Variants in SOX6 observed in about 807,000 individuals in gnomAD.
The protein encoded by SOX6 is SRY-box transcription factor 6, also known as transcription factor SOX-6.
SOX6 carries 11 observed loss-of-function variants against 97.8 expected under a neutral mutation model. That is an observed-to-expected ratio of 0.11 (90% confidence interval 0.07 to 0.19). The LOEUF (loss-of-function observed/expected upper bound fraction) is 0.19. Ranked by LOEUF, SOX6 falls within the 10% of genes least tolerant of loss-of-function variation. The pLI, the probability that SOX6 is intolerant of heterozygous loss-of-function variation, is 1.00. For synonymous variants in SOX6, 360 were observed against 371.4 expected (o/e 0.97, Z 0.35); for missense variants, 810 against 1,039.5 (o/e 0.78, Z 3.04).
intron 12 of SOX6, among the ~76,000 whole-genome samples, chr11:16,032,818 C>A (rs1316774697): frequency 6.6e-6 from 1 of 152,144 alleles, no homozygotes; most frequent in Non-Finnish European, 1.5e-5. Flanking sequence ...CCCAACCATA[C>A]TCATGCCAGG....
chr11:15,993,503 A>G (rs1252814557), intron 13 of SOX6, among the ~76,000 whole-genome samples: 4 of 152,172 alleles, frequency 2.6e-5, no homozygotes, highest in African/African-American at 9.7e-5. Flanking sequence ...ACGGCTTTCC[A>G]GCTGACCTAA....
At chr11:16,316,973 T>C (rs904148535) in intron 3 of SOX6, 1 of 152,052 alleles carries the variant, frequency 6.6e-6, no homozygotes, top group Non-Finnish European at 1.5e-5. Flanking sequence ...ATTTCCTGAT[T>C]ATCTAATTTT....
chr11:16,102,092 C>T (rs988750222), intron 7 of SOX6, among the ~76,000 whole-genome samples: 7 of 151,748 alleles, frequency 4.6e-5, no homozygotes, highest in East Asian at 3.9e-4. Flanking sequence ...GTCAAAGTGT[C>T]GCTGTTTGCT....
chr11:15,974,722 A>G (rs1384110669), intron 15 of SOX6, among the ~76,000 whole-genome samples: 1 of 152,080 alleles, frequency 6.6e-6, no homozygotes, highest in African/African-American at 2.4e-5. Flanking sequence ...CAGAGGGAGA[A>G]GGGATGCAGA....
intron 4 of SOX6, among the ~76,000 whole-genome samples, chr11:16,554,288 C>T (rs186598098): frequency 6.6e-6 from 1 of 152,110 alleles, no homozygotes; most frequent in African/African-American, 2.4e-5. Flanking sequence ...TATTTCTGTT[C>T]GTTATTAGTC....
At chr11:16,562,781 C>G (rs1847830368) in intron 4 of SOX6, among the ~76,000 whole-genome samples, 1 of 152,052 alleles carries the variant, frequency 6.6e-6, no homozygotes, top group South Asian at 2.1e-4. Flanking sequence ...TCATCATTGA[C>G]CAACAGTAAT....
At chr11:16,199,876 A>G (rs886257581) in intron 4 of SOX6, among the ~76,000 whole-genome samples, 3 of 152,186 alleles carry the variant, frequency 2.0e-5, no homozygotes, top group African/African-American at 7.2e-5. Flanking sequence ...AGAATCAACT[A>G]CAGGACCAAA....
At chr11:16,539,753 C>A (rs1861372846) in intron 4 of SOX6, among the ~76,000 whole-genome samples, 1 of 152,146 alleles carries the variant, frequency 6.6e-6, no homozygotes, top group African/African-American at 2.4e-5. Flanking sequence ...CACATACGCC[C>A]TCCTAACACT....
At chr11:16,353,870 T>C (rs1269301210) in intron 1 of SOX6, among the ~76,000 whole-genome samples, 1 of 152,026 alleles carries the variant, frequency 6.6e-6, no homozygotes, top group Non-Finnish European at 1.5e-5. Context: ...TCCTGTTCTT[T>C]CTTCTCATAT....
At chr11:16,085,037 C>G (rs2133960141) in intron 9 of SOX6, among the ~76,000 whole-genome samples, 1 of 152,282 alleles carries the variant, frequency 6.6e-6, no homozygotes, top group South Asian at 2.1e-4. Flanking sequence ...AAGCTTCTGT[C>G]TCTTGGTCTC....
In SOX6 at chr11:16,605,378, G is replaced by A. The variant is rs1056793199; in HGVS notation, n.609+6703C>T. ...ACTGCCCTCGCGGCCAGGGTAAAGAGGACCACAGATCAGTCAGCCTTGGAT... is the reference window on the plus strand; with the variant it reads ...ACTGCCCTCGCGGCCAGGGTAAAGAAGACCACAGATCAGTCAGCCTTGGAT... On this transcript the variant is annotated intron_variant and non_coding_transcript_variant, in intron 4 of 5. Transcript: ENST00000524520. The surrounding 1 kb of genome is among the most constrained non-coding windows in gnomAD (Gnocchi z 5.3). Among the ~76,000 whole-genome samples the A allele has an allele frequency of 3.9e-5, 6 of 152,164 alleles. No homozygotes were observed. The highest frequency in any genetic ancestry group is 2.9e-5 in the Non-Finnish European group (2 of 68,008).
intron 9 of SOX6, among the ~76,000 whole-genome samples, chr11:16,068,498 T>C (rs1848146319): frequency 1.3e-5 from 2 of 152,184 alleles, no homozygotes; most frequent in African/African-American, 4.8e-5. Context: ...CTAGGAAATA[T>C]AGCTGTGATT....
intron 3 of SOX6, among the ~76,000 whole-genome samples, chr11:16,654,142 A>G (rs1847691894): frequency 6.6e-6 from 1 of 152,134 alleles, no homozygotes; most frequent in South Asian, 2.1e-4. Context: ...GTATGTCTCA[A>G]AAGTGCTACA....
At chr11:16,516,861 C>T (rs1255218708) in intron 4 of SOX6, among the ~76,000 whole-genome samples, 3 of 151,188 alleles carry the variant, frequency 2.0e-5, no homozygotes, top group Non-Finnish European at 2.9e-5. Flanking sequence ...CAAAGTCGGG[C>T]AGAGACACAA....
At chr11:16,283,089 G>GTATACATA (rs1854620351) in intron 3 of SOX6, among the ~76,000 whole-genome samples, 1 of 113,710 alleles carries the variant, frequency 8.8e-6, no homozygotes, top group African/African-American at 3.5e-5. Flanking sequence ...TATATAATTT[G>GTATACATA]TATATATATA....
At chr11:16,368,189 T>C (rs913828058) in intron 1 of SOX6, among the ~76,000 whole-genome samples, 31 of 152,286 alleles carry the variant, frequency 2.0e-4, no homozygotes, top group African/African-American at 6.7e-4. Flanking sequence ...AAAAAGATCA[T>C]TGAACACAAT....
chr11:16,178,564 C>T (rs1021582857), intron 6 of SOX6, among the ~76,000 whole-genome samples: 5 of 151,868 alleles, frequency 3.3e-5, no homozygotes, highest in Non-Finnish European at 7.4e-5. Flanking sequence ...TAAGGGCTTG[C>T]GGAAGCTAGG....
intron 1 of SOX6, among the ~76,000 whole-genome samples, chr11:16,457,057 C>T (rs1472589719): frequency 6.6e-6 from 1 of 151,926 alleles, no homozygotes; most frequent in Non-Finnish European, 1.5e-5. Flanking sequence ...CAAAAGGGTT[C>T]AAGACTTGTG....
intron 15 of SOX6, among the ~76,000 whole-genome samples, chr11:15,979,639 A>AT: frequency 6.6e-6 from 1 of 152,156 alleles, no homozygotes; most frequent in Non-Finnish European, 1.5e-5. Context: ...TGCTCCTGTC[A>AT]TTCTGGCCTA....
Sources: allele counts gnomAD v4.1 joint callset (sites outside exome capture counted in the v4.1 genomes callset), GRCh38; gene constraint gnomAD v4.1.1; non-coding constraint Gnocchi (gnomAD v3.1); transcripts MANE v1.5; gene names NCBI Gene and HGNC (gene_info 2026-07-23, HGNC 2026-07-21).